The following PKP2 variants were observed in gnomAD, a reference collection of about 807,000 sequenced individuals.
PKP2 encodes plakophilin 2.
A neutral mutation model predicts 83.4 loss-of-function variants in PKP2; 73 were observed. That is an observed-to-expected ratio of 0.88 (90% confidence interval 0.72 to 1.06). PKP2 has a LOEUF of 1.06. Ranked by LOEUF, PKP2 falls within the 50% of genes least tolerant of loss-of-function variation. PKP2 has a pLI of 0.00. For missense variants in PKP2, 966 were observed against 1,065.4 expected, an observed-to-expected ratio of 0.91 and a Z score of 1.30; for synonymous variants, 409 against 430.4, an observed-to-expected ratio of 0.95 and a Z score of 0.62.
intron 4 of PKP2, among the ~76,000 whole-genome samples, chr12:32,857,213 C>T (rs1956757510): frequency 6.6e-6 from 1 of 152,144 alleles, no homozygotes; most frequent in African/African-American, 2.4e-5. Context: ...TGCTTAAGCC[C>T]AGGAGTTTGA....
At chr12:32,801,501 A>C (rs951809849) in intron 10 of PKP2, among the ~76,000 whole-genome samples, 2 of 152,200 alleles carry the variant, frequency 1.3e-5, no homozygotes, top group African/African-American at 4.8e-5. Context: ...CCTCCTGTCA[A>C]ATGTGCTGCT....
rs1956749042 is a variant in PKP2, at chr12:32,856,520, C to T, written c.1171-5547G>A. On this transcript the variant is annotated intron_variant, in intron 4 of 12. Coordinates refer to ENST00000340811, the MANE Select transcript of PKP2 (RefSeq NM_001005242.3). ...AGGTAAGGAAAAAAGAAGGTTCACC[C>T]CATGTTCTCACTCATAGGTGGGAAC... is the stretch of plus-strand genomic sequence containing the variant. Among the ~76,000 whole-genome samples the T allele has an allele frequency of 2.0e-5, 3 of 152,012 alleles. No individual in the cohort carries two copies. The South Asian group carries it at 6.2e-4, about 32-fold the overall frequency.
chr12:32,799,618 A>G (rs1956161413), intron 10 of PKP2, among the ~76,000 whole-genome samples: 8 of 152,222 alleles, frequency 5.3e-5, no homozygotes, highest in Admixed American at 5.2e-4. Flanking sequence ...AAAGAAAGAC[A>G]TAATGGCCTT....
chr12:32,851,534 T>TGTC (rs1299591180), intron 4 of PKP2, among the ~76,000 whole-genome samples: 7 of 152,098 alleles, frequency 4.6e-5, no homozygotes, highest in Non-Finnish European at 1.5e-5. Flanking sequence ...AGTGGCGGGA[T>TGTC]GTCGGCTCAC....
Position 32,792,004 on chromosome 12 carries a change from G to A in PKP2, c.*420C>T, listed in dbSNP as rs567593228. ...CAACACTGCAGAACAATACACTGGA[G>A]GCCCAATGGCGAAGCAATGTGCACA... On this transcript the variant is annotated 3_prime_UTR_variant, in exon 13 of 13. Transcript: ENST00000340811. 1 of 292,822 alleles carries A rather than the reference G, an allele frequency of 3.4e-6. No individual in the cohort carries two copies. The highest frequency in any genetic ancestry group is 3.5e-5 in the South Asian group (1 of 28,968). The allele number at this position is 292,822 out of a possible 1,614,324, so 18.1% of individuals were successfully genotyped here.
chr12:32,793,223 A>G (rs1443235786), intron 11 of PKP2, among the ~76,000 whole-genome samples: 1 of 152,114 alleles, frequency 6.6e-6, no homozygotes, highest in Non-Finnish European at 1.5e-5. Flanking sequence ...CCTGGTGACA[A>G]AGCTAGACTC....
intron 4 of PKP2, among the ~76,000 whole-genome samples, chr12:32,859,676 G>A (rs777496519): frequency 6.6e-6 from 1 of 152,124 alleles, no homozygotes; most frequent in Non-Finnish European, 1.5e-5. Flanking sequence ...GGCTGGTCTT[G>A]AACTCTTGAC....
At chr12:32,828,948 G>GT (rs1056294844) in intron 6 of PKP2, among the ~76,000 whole-genome samples, 28 of 151,488 alleles carry the variant, frequency 1.8e-4, no homozygotes, top group African/African-American at 6.5e-4. Context: ...GTTTTGTTTT[G>GT]TTTTTTTGAG....
rs1423959449 is a variant in PKP2 at position 32,791,575 on chromosome 12, G to T, written c.*849C>A. The T allele has an allele frequency of 6.6e-6, 1 of 152,180 alleles. No individual in the cohort carries two copies. Among genetic ancestry groups the T allele is most frequent in the Non-Finnish European group, 1.5e-5 (1 of 68,058 alleles). 9.4% of individuals were successfully genotyped at this position (152,180 alleles called of 1,614,324 possible). A position where few individuals can be genotyped will look rare whatever the true frequency, so the allele number is the denominator to read the frequency against. The stretch of plus-strand genomic sequence containing the variant: ...AAAAGTCCAGGAAAGGCATTACATA[G>T]AATGCCATCGTTTAGAAGAGATTTG... On this transcript the variant is annotated 3_prime_UTR_variant, in exon 13 of 13. Coordinates refer to ENST00000340811, the MANE Select transcript of PKP2 (RefSeq NM_001005242.3).
intron 6 of PKP2, among the ~76,000 whole-genome samples, chr12:32,831,873 C>T (rs1956503979): frequency 6.6e-6 from 1 of 152,146 alleles, no homozygotes; most frequent in South Asian, 2.1e-4. Flanking sequence ...GACATGTACT[C>T]TTAAAAACAC....
intron 1 of PKP2, among the ~76,000 whole-genome samples, chr12:32,887,014 A>G (rs538155052): frequency 9.2e-5 from 14 of 152,200 alleles, no homozygotes; most frequent in Non-Finnish European, 1.8e-4. Flanking sequence ...AAGGAAAAAA[A>G]AAAAGGGAAC....
intron 1 of PKP2, chr12:32,894,740 C>T (rs867844037): frequency 2.6e-5 from 4 of 152,138 alleles, no homozygotes; most frequent in Non-Finnish European, 4.4e-5. Flanking sequence ...GTGTCTCCTA[C>T]GCAGGGGAAG....
intron 9 of PKP2, among the ~76,000 whole-genome samples, chr12:32,805,755 G>C (rs1956220460): frequency 6.6e-6 from 1 of 152,154 alleles, no homozygotes; most frequent in Non-Finnish European, 1.5e-5. Flanking sequence ...CTCTAGCTTT[G>C]ATCTTTTTGC....
intron 8 of PKP2, chr12:32,821,767 G>A: frequency 4.1e-6 from 2 of 489,438 alleles, no homozygotes; most frequent in South Asian, 4.3e-5. Flanking sequence ...TTCTCCCAGT[G>A]AGAGAAAATT....
chr12:32,844,327 T>C (rs1188671183), intron 5 of PKP2, among the ~76,000 whole-genome samples: 1 of 152,076 alleles, frequency 6.6e-6, no homozygotes, highest in Non-Finnish European at 1.5e-5. Context: ...AACTACAAAC[T>C]GGGAAAATAT....
chr12:32,847,511 A>T (rs1031501326), intron 5 of PKP2, among the ~76,000 whole-genome samples: 4 of 152,148 alleles, frequency 2.6e-5, no homozygotes, highest in African/African-American at 4.8e-5. Flanking sequence ...AGCGTGATTC[A>T]ATGGCTTGTT....
chr12:32,825,799 G>C (rs1435571323), intron 6 of PKP2, among the ~76,000 whole-genome samples: 1 of 152,074 alleles, frequency 6.6e-6, no homozygotes, highest in Non-Finnish European at 1.5e-5. Context: ...CAGCTACCTG[G>C]GAGACTGAGG....
rs1227119415 is a variant in PKP2 at position 32,880,906 on chromosome 12, A to AT, written c.224-1875dup. On this transcript the variant is annotated intron_variant, in intron 1 of 12. Transcript: ENST00000340811. ...CTGAAATTTTTTTCTGTCATGTAGCATTTTTTAGAAATCAGAGGGAAAATA... is the reference window on the plus strand; with the variant it reads ...CTGAAATTTTTTTCTGTCATGTAGCATTTTTTTAGAAATCAGAGGGAAAATA... Among the ~76,000 whole-genome samples the AT allele has an allele frequency of 1.1e-4, 16 of 152,226 alleles. No individual in the cohort carries two copies. In the South Asian group the frequency reaches 3.3e-3, roughly 32 times the overall value.
At chr12:32,833,209 C>G (rs1956516081) in intron 6 of PKP2, among the ~76,000 whole-genome samples, 2 of 152,126 alleles carry the variant, frequency 1.3e-5, no homozygotes, top group Non-Finnish European at 2.9e-5. Context: ...TGCCACTGCA[C>G]TCCAGCCAGG....
Sources: allele counts gnomAD v4.1 joint callset (sites outside exome capture counted in the v4.1 genomes callset), GRCh38; gene constraint gnomAD v4.1.1; transcripts MANE v1.5; gene names NCBI Gene and HGNC (gene_info 2026-07-23, HGNC 2026-07-21).